Variants in NKAIN2 observed in about 807,000 individuals in gnomAD.
NKAIN2 encodes sodium/potassium transporting ATPase interacting 2.
A neutral mutation model predicts 32.6 loss-of-function variants in NKAIN2; 14 were observed. That is an observed-to-expected ratio of 0.43 (90% confidence interval 0.28 to 0.67). The LOEUF (loss-of-function observed/expected upper bound fraction) is 0.67. NKAIN2 is among the 30% of genes least tolerant of loss of function. The pLI is 0.17. For synonymous variants in NKAIN2, 80 were observed against 87.2 expected (o/e 0.92, Z 0.46); for missense variants, 198 against 258.3 (o/e 0.77, Z 1.60).
At chr6:123,818,645 T>C (rs1244765379) in intron 1 of NKAIN2, among the ~76,000 whole-genome samples, 1 of 152,206 alleles carries the variant, frequency 6.6e-6, no homozygotes, top group Non-Finnish European at 1.5e-5. Flanking sequence ...TGGTGGACTC[T>C]AATTTGCATG....
intron 3 of NKAIN2, among the ~76,000 whole-genome samples, chr6:124,499,787 A>C (rs1052671374): frequency 6.6e-6 from 1 of 152,178 alleles, no homozygotes; most frequent in African/African-American, 2.4e-5. Context: ...GGAATTCCCA[A>C]TACTGCAATT....
At chr6:124,728,035 C>T (rs1776426554) in intron 4 of NKAIN2, among the ~76,000 whole-genome samples, 2 of 151,778 alleles carry the variant, frequency 1.3e-5, no homozygotes, top group Non-Finnish European at 2.9e-5. Flanking sequence ...GCACCCAACA[C>T]AGGAGCACCC....
At chr6:124,658,529 TC>T in intron 4 of NKAIN2, 143 bp downstream of exon 4, 2 of 1,491,384 alleles carry the variant, frequency 1.3e-6, no homozygotes, top group Non-Finnish European at 8.9e-7. Flanking sequence ...TAACAGGAAA[TC>T]CTCAGGTTAA....
intron 3 of NKAIN2, among the ~76,000 whole-genome samples, chr6:124,614,119 C>T (rs2115002586): frequency 6.6e-6 from 1 of 152,264 alleles, no homozygotes; most frequent in Non-Finnish European, 1.5e-5. Flanking sequence ...TCTGACTGGG[C>T]ACGGTGGCTC....
intron 1 of NKAIN2, among the ~76,000 whole-genome samples, chr6:124,033,245 T>C (rs995474647): frequency 3.3e-5 from 5 of 152,174 alleles, no homozygotes; most frequent in Non-Finnish European, 5.9e-5. Flanking sequence ...ATTAGTGTTC[T>C]GTTATGTAGA....
intron 3 of NKAIN2, among the ~76,000 whole-genome samples, 154 bp from the exon 4 acceptor site, chr6:124,658,030 CTG>C (rs1470644533): frequency 6.6e-6 from 1 of 151,788 alleles, no homozygotes; most frequent in Non-Finnish European, 1.5e-5. Flanking sequence ...ATTAATTTAG[CTG>C]TGTCCTCGCT....
intron 1 of NKAIN2, among the ~76,000 whole-genome samples, chr6:123,894,002 T>A (rs963424747): frequency 2.6e-5 from 4 of 152,228 alleles, no homozygotes; most frequent in African/African-American, 9.6e-5. Context: ...TAAACTCAAG[T>A]TTCTTCTGAA....
rs566870161 is a variant in NKAIN2, at chr6:124,349,222, C to G, written c.193-6045C>G. ...GAACCCTCAGCAAAGCAAGAGAGTC[C>G]TGTTAGCTGGTTTACCCCCTCACAG... On this transcript the variant is annotated intron_variant, in intron 2 of 6. Coordinates refer to ENST00000368417, the MANE Select transcript of NKAIN2 (RefSeq NM_001040214.3). Among the ~76,000 whole-genome samples, 3 of 152,118 alleles carry G rather than the reference C, an allele frequency of 2.0e-5. No individual in the cohort carries two copies. In the South Asian group the frequency reaches 6.2e-4, roughly 32 times the overall value.
intron 3 of NKAIN2, among the ~76,000 whole-genome samples, chr6:124,481,064 A>G (rs1777427041): frequency 6.6e-6 from 1 of 152,100 alleles, no homozygotes; most frequent in African/African-American, 2.4e-5. Context: ...GCACTGTTCC[A>G]TCTTACATGG....
At chr6:124,293,691 A>G (rs1302794818) in intron 2 of NKAIN2, among the ~76,000 whole-genome samples, 1 of 152,102 alleles carries the variant, frequency 6.6e-6, no homozygotes, top group Non-Finnish European at 1.5e-5. Context: ...TGTTATTGTC[A>G]TAGTTTTATT....
At chr6:123,837,388 AGTT>A (rs146830053) in intron 1 of NKAIN2, among the ~76,000 whole-genome samples, 2,042 of 152,124 alleles carry the variant, frequency 0.013, 43 homozygotes, top group African/African-American at 0.047. Flanking sequence ...CTGTCCTTCC[AGTT>A]GTTAGCAAAA....
chr6:123,910,332 T>C (rs955169907), intron 1 of NKAIN2, among the ~76,000 whole-genome samples: 1 of 152,158 alleles, frequency 6.6e-6, no homozygotes, highest in African/African-American at 2.4e-5. Context: ...TACAACACCC[T>C]TGAAAATAAT....
intron 1 of NKAIN2, among the ~76,000 whole-genome samples, chr6:124,112,201 T>C (rs1785417239): frequency 6.6e-6 from 1 of 152,172 alleles, no homozygotes; most frequent in Admixed American, 6.5e-5. Context: ...GCCTTTTCAT[T>C]TTGAATTGAA....
At chr6:124,207,025 T>C (rs1790929122) in intron 1 of NKAIN2, among the ~76,000 whole-genome samples, 1 of 151,556 alleles carries the variant, frequency 6.6e-6, no homozygotes, top group Non-Finnish European at 1.5e-5. Context: ...CTAAGCTAAA[T>C]ACATTAAATT....
intron 1 of NKAIN2, among the ~76,000 whole-genome samples, chr6:123,849,176 CT>C (rs1162527701): frequency 2.0e-5 from 3 of 152,194 alleles, no homozygotes; most frequent in African/African-American, 7.2e-5. Context: ...CTTTGTACAA[CT>C]TTTAGATAAA....
At chr6:124,007,700 C>A (rs1780133889) in intron 1 of NKAIN2, among the ~76,000 whole-genome samples, 1 of 152,116 alleles carries the variant, frequency 6.6e-6, no homozygotes, top group Non-Finnish European at 1.5e-5. Context: ...GCGGATCTCC[C>A]AAATCATTTT....
chr6:124,622,729 C>T (rs890418505), intron 3 of NKAIN2, among the ~76,000 whole-genome samples: 8 of 152,190 alleles, frequency 5.3e-5, no homozygotes, highest in East Asian at 1.9e-4. Flanking sequence ...GGTCTTCCCC[C>T]GGAGTTGAGC....
chr6:123,870,735 T>C (rs746453205), intron 1 of NKAIN2, among the ~76,000 whole-genome samples: 2 of 152,218 alleles, frequency 1.3e-5, no homozygotes, highest in Non-Finnish European at 2.9e-5. Flanking sequence ...GATTCCTTGT[T>C]TGAAATAGGC....
chr6:124,068,063 G>T (rs781356356), intron 1 of NKAIN2, among the ~76,000 whole-genome samples: 1 of 152,064 alleles, frequency 6.6e-6, no homozygotes, highest in Admixed American at 6.6e-5. Context: ...GAAGAACTGA[G>T]GTATGTAGAG....
Sources: allele counts gnomAD v4.1 joint callset (sites outside exome capture counted in the v4.1 genomes callset), GRCh38; gene constraint gnomAD v4.1.1; transcripts MANE v1.5; gene names NCBI Gene and HGNC (gene_info 2026-07-23, HGNC 2026-07-21).